The following DRG1 variants were observed in gnomAD, a reference collection of about 807,000 sequenced individuals.
DRG1 encodes developmentally-regulated GTP-binding protein 1.
Under a neutral mutation model 38.8 loss-of-function variants are expected in DRG1, and 19 were observed. The observed-to-expected ratio is 0.49, with a 90% CI of 0.34 to 0.72. DRG1 has a LOEUF of 0.72. DRG1 is among the 30% of genes least tolerant of loss of function. DRG1 has a pLI of 0.01. For synonymous variants in DRG1, 167 were observed against 157.5 expected (o/e 1.06, Z -0.45); for missense variants, 299 against 444.8 (o/e 0.67, Z 2.95).
intron 4 of DRG1, 97 bp downstream of exon 4, chr22:31,411,178 T>G (rs754330639): frequency 2.9e-5 from 38 of 1,293,032 alleles, no homozygotes; most frequent in Non-Finnish European, 4.1e-5. Context: ...TATACCACAG[T>G]GAAGGGCATA....
chr22:31,416,782 A>G (rs149239678), intron 4 of DRG1, among the ~76,000 whole-genome samples: 1,838 of 152,002 alleles, frequency 0.012, 47 homozygotes, highest in African/African-American at 0.043. Context: ...GTGTGCCTAT[A>G]GTCCCAGCTA....
At chr22:31,414,933 A>G (rs1400521094) in intron 4 of DRG1, among the ~76,000 whole-genome samples, 1 of 151,952 alleles carries the variant, frequency 6.6e-6, no homozygotes, top group African/African-American at 2.4e-5. Flanking sequence ...GGCATGTACC[A>G]TCATACCCGC....
chr22:31,423,521 G>GTA, intron 6 of DRG1, 111 bp downstream of exon 6: 17 of 665,614 alleles, frequency 2.6e-5, no homozygotes, highest in East Asian at 3.8e-5. Context: ...TTGTCCTACT[G>GTA]TCTTTTTTTT....
intron 4 of DRG1, among the ~76,000 whole-genome samples, chr22:31,413,771 G>A (rs2050030653): frequency 6.6e-6 from 1 of 151,880 alleles, no homozygotes; most frequent in African/African-American, 2.4e-5. Flanking sequence ...CTGCCACCAC[G>A]CCTGGCTAAG....
At chr22:31,430,505 T>C (rs1009829030) in intron 8 of DRG1, among the ~76,000 whole-genome samples, 2 of 151,960 alleles carry the variant, frequency 1.3e-5, no homozygotes, top group Admixed American at 1.3e-4. Flanking sequence ...GTTCACGCCA[T>C]TCTCCTGCCT....
Position 31,420,416 on chromosome 22 carries a change from C to T in DRG1, c.573C>T (p.Leu191=), listed in dbSNP as rs765204779. 6.2e-7 allele frequency: 1 copy of T among 1,614,148 alleles called. No individual in the cohort carries two copies. Among genetic ancestry groups the T allele is most frequent in the East Asian group, 2.2e-5 (1 of 44,888 alleles). The change falls in exon 5 of 9, where the codon CTC becomes CTT. Residue 191 remains leucine (L), a synonymous_variant. Coordinates refer to ENST00000331457, the MANE Select transcript of DRG1 (RefSeq NM_004147.4). Reference sequence around the variant, plus strand: ...AGAAGGACAAGGGAGGCATTAATCTCACAGCCACTGTAAGTGGGGAATATG... The same window carrying T: ...AGAAGGACAAGGGAGGCATTAATCTTACAGCCACTGTAAGTGGGGAATATG... ...FKKKDKGGIN[L]TATCPQSELD...
intron 6 of DRG1, among the ~76,000 whole-genome samples, chr22:31,423,735 C>T (rs1483472919): frequency 1.3e-5 from 2 of 151,790 alleles, no homozygotes; most frequent in Non-Finnish European, 2.9e-5. Context: ...TCATGTTGGC[C>T]AGGCTGGTCT....
At chr22:31,426,098 A>G (rs983686563) in intron 6 of DRG1, among the ~76,000 whole-genome samples, 2 of 152,214 alleles carry the variant, frequency 1.3e-5, no homozygotes, top group Non-Finnish European at 2.9e-5. Context: ...ATGTTTTAAA[A>G]CAGCCTTGTA....
intron 4 of DRG1, among the ~76,000 whole-genome samples, chr22:31,418,023 A>T (rs1270199928): frequency 6.6e-6 from 1 of 151,372 alleles, no homozygotes; most frequent in Non-Finnish European, 1.5e-5. Context: ...GAGGCTGGGC[A>T]TGGTGGCTCA....
At chr22:31,432,054 T>G (rs2050142163) in intron 8 of DRG1, among the ~76,000 whole-genome samples, 2 of 151,960 alleles carry the variant, frequency 1.3e-5, no homozygotes, top group African/African-American at 2.4e-5. Context: ...TTTTTTTTTT[T>G]TCTTTAATTA....
chr22:31,401,189 C>T (rs569035705), intron 2 of DRG1, among the ~76,000 whole-genome samples: 11 of 147,278 alleles, frequency 7.5e-5, no homozygotes, highest in South Asian at 2.2e-4. Context: ...GAGGCTGAGG[C>T]GGGAGGATTG....
At chr22:31,431,882 A>G (rs2050141136) in intron 8 of DRG1, among the ~76,000 whole-genome samples, 1 of 152,110 alleles carries the variant, frequency 6.6e-6, no homozygotes, top group African/African-American at 2.4e-5. Flanking sequence ...CCTTTTTCAA[A>G]CTTTGTAGAT....
chr22:31,425,664 C>T (rs371983433), intron 6 of DRG1, among the ~76,000 whole-genome samples: 12 of 152,132 alleles, frequency 7.9e-5, no homozygotes, highest in Admixed American at 7.9e-4. Context: ...TGGTCTTGAA[C>T]TCCTGGGCTC....
intron 8 of DRG1, among the ~76,000 whole-genome samples, chr22:31,431,605 C>T (rs576407013): frequency 4.6e-5 from 7 of 152,204 alleles, no homozygotes; most frequent in South Asian, 2.1e-4. Flanking sequence ...GACATTGCAG[C>T]GAGCCAAGAT....
At chr22:31,428,659 CTG>C (rs908803637) in intron 8 of DRG1, among the ~76,000 whole-genome samples, 6 of 152,226 alleles carry the variant, frequency 3.9e-5, no homozygotes, top group Non-Finnish European at 4.4e-5. Flanking sequence ...TTACTAGTGT[CTG>C]TTTTGTGTTC....
At chr22:31,416,584 A>G (rs1414947554) in intron 4 of DRG1, among the ~76,000 whole-genome samples, 3 of 151,934 alleles carry the variant, frequency 2.0e-5, no homozygotes, top group East Asian at 1.9e-4. Context: ...GTGAAACCCC[A>G]TCTCTACTAA....
chr22:31,433,695 T>C (rs536353870), intron 8 of DRG1, among the ~76,000 whole-genome samples, 177 bp from the exon 9 acceptor site: 5 of 152,346 alleles, frequency 3.3e-5, no homozygotes, highest in South Asian at 4.1e-4. Context: ...CAGAAGTCTT[T>C]ACCGGCTTTT....
chr22:31,410,632 G>T (rs2050013333), intron 3 of DRG1, among the ~76,000 whole-genome samples: 1 of 152,086 alleles, frequency 6.6e-6, no homozygotes, highest in South Asian at 2.1e-4. Flanking sequence ...GGCCAACATG[G>T]TGAAATCCCC....
At chr22:31,408,134 C>CTTTTT (rs1206312150) in intron 3 of DRG1, among the ~76,000 whole-genome samples, 1 of 38,302 alleles carries the variant, frequency 2.6e-5, no homozygotes, top group African/African-American at 1.0e-4. Context: ...TTTTTTCCTT[C>CTTTTT]TTTTTTTTTT....
Sources: allele counts gnomAD v4.1 joint callset (sites outside exome capture counted in the v4.1 genomes callset), GRCh38; gene constraint gnomAD v4.1.1; transcripts MANE v1.5; gene names NCBI Gene and HGNC (gene_info 2026-07-23, HGNC 2026-07-21).